The following NINL variants were observed in gnomAD, a reference collection of about 807,000 sequenced individuals.
The protein encoded by NINL is ninein like, also known as ninein-like protein.
In NINL, 153 loss-of-function variants were observed where a neutral mutation model predicts 160.3. The observed-to-expected ratio is 0.95, with a 90% CI of 0.84 to 1.09. The LOEUF is 1.09. Ranked by LOEUF, NINL falls within the 50% of genes least tolerant of loss-of-function variation. NINL has a pLI of 0.00. For missense variants in NINL, 1,829 were observed against 1,764.0 expected (o/e 1.04, Z -0.66); for synonymous variants, 800 against 734.8 (o/e 1.09, Z -1.43).
In NINL at chr20:25,458,442, G is replaced by C; in HGVS notation, c.3784C>G (p.Leu1262Val). The C allele has an allele frequency of 6.2e-7, 1 of 1,606,020 alleles. No homozygotes were observed. The highest frequency in any genetic ancestry group is 1.1e-5 in the South Asian group (1 of 91,006). The change falls in exon 22 of 24, where the codon CTG (leucine) becomes GTG (valine). Residue 1262 changes from leucine (L) to valine (V), a missense_variant. Transcript: ENST00000278886. Reference sequence around the variant, plus strand: ...CCCTGAAGGCTGAGCAGGCGATGCAGCTCGGCCACACGGTCCTGGGGCACC... The same window carrying C: ...CCCTGAAGGCTGAGCAGGCGATGCACCTCGGCCACACGGTCCTGGGGCACC... ...RLVPQDRVAE[L>V]HRLLSLQGEQ...
rs781453854 is a variant in NINL at position 25,476,035 on chromosome 20, A to G, written c.3248+8T>C. Reference sequence around the variant, plus strand: ...GTGTTTAGTTTTAAGAATGAGTAGAAGGCAAACCTGTCGTTCTCTCTCAAA... The same window carrying G: ...GTGTTTAGTTTTAAGAATGAGTAGAGGGCAAACCTGTCGTTCTCTCTCAAA... On this transcript the variant is annotated splice_region_variant and intron_variant, in intron 17 of 23. Coordinates refer to ENST00000278886, the MANE Select transcript of NINL (RefSeq NM_025176.6). 1.2e-6 allele frequency: 2 copies of G among 1,610,838 alleles called. No individual in the cohort carries two copies. The highest frequency in any genetic ancestry group is 8.5e-7 in the Non-Finnish European group (1 of 1,178,470).
chr20:25,489,382 T>C (rs1275653734), intron 12 of NINL, 58 bp from the exon 13 acceptor site: 7 of 1,497,352 alleles, frequency 4.7e-6, no homozygotes, highest in African/African-American at 1.4e-5. Flanking sequence ...GGGGACCTGC[T>C]TCTCCAGCCC....
chr20:25,536,238 G>T (rs982144421), intron 1 of NINL, among the ~76,000 whole-genome samples: 1 of 152,200 alleles, frequency 6.6e-6, no homozygotes, highest in East Asian at 1.9e-4. Context: ...ACAGGCTCAC[G>T]ATCTGGGCTC....
At chr20:25,562,171 T>G (rs2064950973) in intron 1 of NINL, among the ~76,000 whole-genome samples, 1 of 124,418 alleles carries the variant, frequency 8.0e-6, no homozygotes, top group Non-Finnish European at 1.7e-5. Context: ...GGGAGGGAGG[T>G]GGGGGGTCAG....
chr20:25,462,468 T>C lies in NINL; in HGVS notation c.3497A>G (p.His1166Arg). ...VLQLGQEAST[H>R]QAQNEEHRVT... ...ACGATGCTCCTCGTTTTGGGCCTGG[T>C]GGGTAGAAGCCTCCTGTCCCAGTTG... is the stretch of plus-strand genomic sequence containing the variant. The change falls in exon 20 of 24, where the codon CAC becomes CGC. Residue 1166 changes from histidine to arginine, a missense_variant. Transcript: ENST00000278886. 6.2e-7 allele frequency: 1 copy of C among 1,614,148 alleles called. No homozygotes were observed. Among genetic ancestry groups the C allele is most frequent in the Non-Finnish European group, 8.5e-7 (1 of 1,180,014 alleles).
At chr20:25,532,767 A>G (rs960181175) in intron 1 of NINL, among the ~76,000 whole-genome samples, 7 of 152,226 alleles carry the variant, frequency 4.6e-5, no homozygotes, top group Non-Finnish European at 1.0e-4. Flanking sequence ...CATATGGCCT[A>G]ACCCCTATCC....
intron 13 of NINL, among the ~76,000 whole-genome samples, chr20:25,483,677 G>A (rs1223385668): frequency 2.0e-5 from 3 of 152,264 alleles, no homozygotes; most frequent in Non-Finnish European, 1.5e-5. Flanking sequence ...TTCAGGGGAG[G>A]CATCTGCATT....
chr20:25,509,364 A>G (rs1363382852), intron 5 of NINL, among the ~76,000 whole-genome samples: 1 of 152,138 alleles, frequency 6.6e-6, no homozygotes, highest in East Asian at 1.9e-4. Context: ...CCCAGATGCA[A>G]TGCAGTCCAT....
intron 21 of NINL, among the ~76,000 whole-genome samples, chr20:25,460,776 G>C (rs1205393089): frequency 1.3e-5 from 2 of 152,152 alleles, no homozygotes; most frequent in African/African-American, 4.8e-5. Flanking sequence ...CGCCGGGGGG[G>C]ACCAGGTGCA....
intron 1 of NINL, among the ~76,000 whole-genome samples, chr20:25,543,568 GAGGCTACTC>G (rs577927750): frequency 9.5e-4 from 145 of 152,308 alleles, no homozygotes; most frequent in Non-Finnish European, 1.8e-3. Flanking sequence ...AAAAGGACCA[GAGGCTACTC>G]AGGCTACTCC....
intron 1 of NINL, among the ~76,000 whole-genome samples, chr20:25,530,771 T>G (rs1033520109): frequency 2.6e-5 from 4 of 151,976 alleles, no homozygotes; most frequent in African/African-American, 9.7e-5. Context: ...GTCACAGAGA[T>G]CACGTGCTTC....
At chr20:25,482,694 A>T in intron 13 of NINL, among the ~76,000 whole-genome samples, 1 of 150,522 alleles carries the variant, frequency 6.6e-6, no homozygotes, top group South Asian at 2.2e-4. Context: ...GGGCTCAAAG[A>T]AAAAAGTGAG....
intron 1 of NINL, among the ~76,000 whole-genome samples, chr20:25,563,609 G>A: frequency 6.6e-6 from 1 of 152,170 alleles, no homozygotes; most frequent in East Asian, 1.9e-4. Context: ...CTATCAGACT[G>A]AATGTTCTTT....
At position 25,546,751 on chromosome 20, in the gene NINL, G is replaced by C. The variant is rs554583117; in HGVS notation, c.-11-20153C>G. Among the ~76,000 whole-genome samples, 4 of 149,060 alleles carry C rather than the reference G, an allele frequency of 2.7e-5. No homozygotes were observed. The East Asian group carries it at 8.0e-4, about 30-fold the overall frequency. On this transcript the variant is annotated intron_variant, in intron 1 of 23. Coordinates refer to ENST00000278886, the MANE Select transcript of NINL (RefSeq NM_025176.6). ...GGAGAGATGCTCCACTGTGCTCATC[G>C]GGAGAGATACAAACCCCACCGAGAG...
Position 25,453,646 on chromosome 20 carries a change from G to A in NINL, c.3958-4C>T, listed in dbSNP as rs759009567. ...CGGACTTCGTGTTCTTTTCAAACTA[G>A]AGAGGGGAGGAAGCCATGCTTTGCA... On this transcript the variant is annotated splice_region_variant and splice_polypyrimidine_tract_variant and intron_variant, in intron 23 of 23. Transcript: ENST00000278886. 1 of 1,596,122 alleles carries A rather than the reference G, an allele frequency of 6.3e-7. No individual in the cohort carries two copies. Among genetic ancestry groups the A allele is most frequent in the Non-Finnish European group, 8.5e-7 (1 of 1,170,446 alleles).
In NINL at chr20:25,500,985, G is replaced by T. The variant is rs780798089; in HGVS notation, c.887C>A (p.Thr296Asn). The change falls in exon 8 of 24, where the codon ACC (threonine) becomes AAC (asparagine). Residue 296 changes from threonine (T) to asparagine (N), a missense_variant. By Grantham distance (65) the Thr-to-Asn change is moderately conservative. Coordinates refer to ENST00000278886, the MANE Select transcript of NINL (RefSeq NM_025176.6). ...GGACACGAGGGATGAGGTTGTGGTG[G>T]TGTGGCAGCCGCTCTCCTCTGGGAC... ...YQVPEESGCHTTTTSSLVSLC... is the reference protein window; with the variant it reads ...YQVPEESGCHNTTTSSLVSLC... The T allele has an allele frequency of 6.2e-7, 1 of 1,613,936 alleles. No homozygotes were observed. The highest frequency in any genetic ancestry group is 8.5e-7 in the Non-Finnish European group (1 of 1,179,992).
intron 22 of NINL, among the ~76,000 whole-genome samples, chr20:25,456,419 G>T (rs1418960399): frequency 6.6e-6 from 1 of 151,470 alleles, no homozygotes; most frequent in Non-Finnish European, 1.5e-5. Context: ...ATGGTAGCGG[G>T]CGCCTGTAGT....
chr20:25,581,575 T>C (rs1332686884), intron 1 of NINL, among the ~76,000 whole-genome samples: 2 of 152,184 alleles, frequency 1.3e-5, no homozygotes, highest in African/African-American at 4.8e-5. Flanking sequence ...GAGTCATTAG[T>C]GGTTTAAATG....
intron 8 of NINL, among the ~76,000 whole-genome samples, chr20:25,499,421 A>G (rs1266470597): frequency 6.6e-6 from 1 of 152,198 alleles, no homozygotes; most frequent in Non-Finnish European, 1.5e-5. Context: ...AATGGGAAAG[A>G]GAATAAGTTC....
Sources: gnomAD v4.1 joint callset for allele counts (sites outside exome capture counted in the v4.1 genomes callset) on GRCh38, gnomAD v4.1.1 for gene constraint, MANE v1.5 for transcripts, NCBI Gene and HGNC (gene_info 2026-07-23, HGNC 2026-07-21) for gene names.